PTPRN2: variants seen among roughly 807,000 people sequenced by gnomAD.
The protein encoded by PTPRN2 is protein tyrosine phosphatase receptor type N2, also known as receptor-type tyrosine-protein phosphatase N2.
Under a neutral mutation model 118.8 loss-of-function variants are expected in PTPRN2, and 74 were observed. The observed-to-expected ratio is 0.62, with a 90% confidence interval of 0.52 to 0.76. The LOEUF (loss-of-function observed/expected upper bound fraction) is 0.76. Ranked by LOEUF, PTPRN2 falls within the 30% of genes least tolerant of loss-of-function variation. The pLI, the probability that PTPRN2 is intolerant of heterozygous loss-of-function variation, is 0.00. For missense variants in PTPRN2, 1,481 were observed against 1,394.4 expected, an observed-to-expected ratio of 1.06 and a Z score of -0.99; for synonymous variants, 641 against 608.0, an observed-to-expected ratio of 1.05 and a Z score of -0.80.
intron 2 of PTPRN2, among the ~76,000 whole-genome samples, chr7:158,333,873 C>T (rs1422299839): frequency 4.7e-4 from 68 of 144,942 alleles, no homozygotes; most frequent in African/African-American, 1.4e-3. Context: ...TCACTCACAC[C>T]CACACTCTCA....
At chr7:157,669,434 C>T (rs908883793) in intron 13 of PTPRN2, 5 of 455,976 alleles carry the variant, frequency 1.1e-5, no homozygotes, top group African/African-American at 1.0e-4. Context: ...CGCACACACA[C>T]ACACACCCAG....
At chr7:158,363,445 A>G (rs950707354) in intron 2 of PTPRN2, among the ~76,000 whole-genome samples, 8 of 152,154 alleles carry the variant, frequency 5.3e-5, no homozygotes, top group Non-Finnish European at 1.0e-4. Context: ...AGTGAAACTC[A>G]GCCCACAGCT....
intron 11 of PTPRN2, among the ~76,000 whole-genome samples, chr7:158,080,837 G>A (rs539788096): frequency 9.2e-5 from 14 of 152,160 alleles, no homozygotes; most frequent in Admixed American, 2.0e-4. Context: ...CAGATACTTT[G>A]TGGTGTCTCT....
intron 10 of PTPRN2, among the ~76,000 whole-genome samples, chr7:158,108,411 C>T (rs543709969): frequency 3.9e-5 from 6 of 152,310 alleles, no homozygotes; most frequent in South Asian, 2.1e-4. Flanking sequence ...TCTCACTCTA[C>T]ATACTGGGTC....
intron 10 of PTPRN2, among the ~76,000 whole-genome samples, chr7:158,089,236 A>G (rs1374187163): frequency 5.6e-4 from 16 of 28,618 alleles, no homozygotes; most frequent in African/African-American, 8.2e-4. Context: ...CCCTGAGGAA[A>G]GAGGGAGTCT....
chr7:158,103,260 G>A (rs1220033726), intron 10 of PTPRN2, among the ~76,000 whole-genome samples: 1 of 152,184 alleles, frequency 6.6e-6, no homozygotes, highest in Non-Finnish European at 1.5e-5. Flanking sequence ...GAGGGATAGT[G>A]CCAAAGATAC....
At chr7:158,332,490 C>A (rs1450801798) in intron 2 of PTPRN2, among the ~76,000 whole-genome samples, 1 of 149,398 alleles carries the variant, frequency 6.7e-6, no homozygotes, top group East Asian at 2.0e-4. Flanking sequence ...ACGGCACTCA[C>A]ACCCACACTC....
At chr7:157,842,426 TTTTTTTGA>T (rs1437722167) in intron 12 of PTPRN2, among the ~76,000 whole-genome samples, 22 of 139,944 alleles carry the variant, frequency 1.6e-4, no homozygotes, top group African/African-American at 5.8e-4. Context: ...TTTTTTTTTT[TTTTTTTGA>T]GACGGTGTCT....
At position 157,587,636 on chromosome 7, in the gene PTPRN2, A is replaced by G. The variant is rs573136373; in HGVS notation, c.2496+7602T>C. On this transcript the variant is annotated intron_variant, in intron 17 of 22. Transcript: ENST00000389418. This position sits in a 1 kb window ranked among gnomAD's most constrained non-coding sequence, Gnocchi z 5.3. ...TTTCTTGGTAAAATGTTGATGTGCA[A>G]TAAGAGTCAACACACATCCGATGCC... Among the ~76,000 whole-genome samples, 4 of 152,374 alleles carry G rather than the reference A, an allele frequency of 2.6e-5. No individual in the cohort carries two copies. The highest frequency in any genetic ancestry group is 2.1e-4 in the South Asian group (1 of 4,830).
At chr7:158,006,307 A>G (rs951576027) in intron 11 of PTPRN2, among the ~76,000 whole-genome samples, 1 of 152,190 alleles carries the variant, frequency 6.6e-6, no homozygotes, top group African/African-American at 2.4e-5. Flanking sequence ...ATCGATTTTT[A>G]CCAACTTTTC....
intron 2 of PTPRN2, among the ~76,000 whole-genome samples, chr7:158,375,136 G>A (rs996044560): frequency 6.6e-6 from 1 of 152,130 alleles, no homozygotes; most frequent in Non-Finnish European, 1.5e-5. Flanking sequence ...CCCTAAATAT[G>A]AGAGGCAGTG....
chr7:158,208,327 A>G (rs1167255130), intron 3 of PTPRN2, among the ~76,000 whole-genome samples: 1 of 152,304 alleles, frequency 6.6e-6, no homozygotes. Flanking sequence ...ATTCAACCCA[A>G]ATAAGACTAC....
At chr7:157,675,498 G>A (rs1397328397) in intron 13 of PTPRN2, among the ~76,000 whole-genome samples, 1 of 151,822 alleles carries the variant, frequency 6.6e-6, no homozygotes, top group African/African-American at 2.4e-5. Flanking sequence ...TCAGGGCTTT[G>A]CTTCTGTTTT....
In PTPRN2 at chr7:158,273,397, C is replaced by T. The variant is rs928208735; in HGVS notation, c.277+43422G>A. Among the ~76,000 whole-genome samples the T allele has an allele frequency of 2.7e-5, 4 of 149,078 alleles. 1 individual carries two copies. The highest frequency in any genetic ancestry group is 2.7e-4 in the Admixed American group (4 of 14,940). On this transcript the variant is annotated intron_variant, in intron 3 of 22. Transcript: ENST00000389418. ...CCTGTCCCAGCGTCGTGGATGCAGA[C>T]ACGGGAGGAGCCGCAGACAGACGCG...
At chr7:157,824,246 C>A (rs1329271988) in intron 12 of PTPRN2, among the ~76,000 whole-genome samples, 1 of 152,158 alleles carries the variant, frequency 6.6e-6, no homozygotes, top group Non-Finnish European at 1.5e-5. Flanking sequence ...CAGAGAGTCA[C>A]CCTCCTGAAG....
At chr7:158,293,683 T>C (rs1209214083) in intron 3 of PTPRN2, among the ~76,000 whole-genome samples, 3 of 152,088 alleles carry the variant, frequency 2.0e-5, no homozygotes, top group Admixed American at 1.3e-4. Flanking sequence ...AGTATAAAAA[T>C]AGTCTCTTTA....
rs180695481 is a variant in PTPRN2, at chr7:158,240,892, G to A, written c.278-35619C>T. Reference sequence around the variant, plus strand: ...AGTCTAAGGCCATCAAACTGTTTGTGGACAGGAAGTGGAAGCAGAAGCTGA... The same window carrying A: ...AGTCTAAGGCCATCAAACTGTTTGTAGACAGGAAGTGGAAGCAGAAGCTGA... On this transcript the variant is annotated intron_variant, in intron 3 of 22. Coordinates refer to ENST00000389418, the MANE Select transcript of PTPRN2 (RefSeq NM_002847.5). Among the ~76,000 whole-genome samples, 689 of 152,364 alleles carry A rather than the reference G, an allele frequency of 4.5e-3. 2 individuals carry two copies. Among genetic ancestry groups the A allele is most frequent in the Non-Finnish European group, 7.5e-3 (508 of 68,034 alleles).
chr7:158,356,855 A>C (rs554481115), intron 2 of PTPRN2, among the ~76,000 whole-genome samples: 6 of 152,168 alleles, frequency 3.9e-5, no homozygotes, highest in African/African-American at 1.4e-4. Context: ...AAATCAGGAG[A>C]AATGGACTGA....
chr7:157,763,105 CCCACGGCCGCCCACTCATGGTCGGT>C lies in PTPRN2; in HGVS notation c.1789-80193_1789-80169del, dbSNP rs1802246389. On this transcript the variant is annotated intron_variant, in intron 12 of 22. Transcript: ENST00000389418. The surrounding 1 kb of genome is among the most constrained non-coding windows in gnomAD (Gnocchi z 4.9). ...ATGGTCACAGAGCTAACCATCAGAG[CCCACGGCCGCCCACTCATGGTCGGT>C]CACAGGGTTAACCCTCCATCAGAGC... Among the ~76,000 whole-genome samples, 1 of 130,604 alleles carries C rather than the reference CCCACGGCCGCCCACTCATGGTCGGT, an allele frequency of 7.7e-6. No homozygotes were observed. Among genetic ancestry groups the C allele is most frequent in the South Asian group, 2.2e-4 (1 of 4,500 alleles). 85.7% of individuals were successfully genotyped at this position (130,604 alleles called of 152,430 possible). A position where few individuals can be genotyped will look rare whatever the true frequency, so the allele number is the denominator to read the frequency against.
Sources: allele counts gnomAD v4.1 joint callset (sites outside exome capture counted in the v4.1 genomes callset), GRCh38; gene constraint gnomAD v4.1.1; non-coding constraint Gnocchi (gnomAD v3.1); transcripts MANE v1.5; gene names NCBI Gene and HGNC (gene_info 2026-07-23, HGNC 2026-07-21).